The following SPOCK3 variants were observed in gnomAD, a reference collection of about 807,000 sequenced individuals.
SPOCK3 encodes SPARC (osteonectin), cwcv and kazal like domains proteoglycan 3.
SPOCK3 carries 30 observed loss-of-function variants against 56.6 expected under a neutral mutation model. The observed-to-expected ratio is 0.53, with a 90% CI of 0.40 to 0.72. The LOEUF (loss-of-function observed/expected upper bound fraction) is 0.72. Ranked by LOEUF, SPOCK3 falls within the 30% of genes least tolerant of loss-of-function variation. SPOCK3 has a pLI of 0.00. For missense variants in SPOCK3, 527 were observed against 530.0 expected (o/e 0.99, Z 0.06); for synonymous variants, 196 against 183.3 (o/e 1.07, Z -0.56).
chr4:166,880,748 C>A (rs1312507192), intron 6 of SPOCK3, among the ~76,000 whole-genome samples: 3 of 152,138 alleles, frequency 2.0e-5, no homozygotes, highest in Non-Finnish European at 4.4e-5. Context: ...CTAAACATTT[C>A]TTGAATCTAT....
intron 2 of SPOCK3, among the ~76,000 whole-genome samples, chr4:167,189,206 C>T (rs1732265434): frequency 6.9e-6 from 1 of 145,780 alleles, no homozygotes; most frequent in Admixed American, 7.0e-5. Context: ...TAGCAAATAA[C>T]ACCCAACAAT....
At chr4:166,947,329 C>A (rs1170491120) in intron 4 of SPOCK3, among the ~76,000 whole-genome samples, 1 of 152,086 alleles carries the variant, frequency 6.6e-6, no homozygotes, top group Non-Finnish European at 1.5e-5. Flanking sequence ...ATACTGCACA[C>A]AGATTTTCTA....
In SPOCK3 at chr4:166,735,300, A is replaced by C. The variant is rs552363322; in HGVS notation, c.1133-210T>G. Among the ~76,000 whole-genome samples the C allele has an allele frequency of 6.6e-5, 10 of 152,188 alleles. No homozygotes were observed. The East Asian group carries it at 1.2e-3, about 18-fold the overall frequency. The stretch of plus-strand genomic sequence containing the variant: ...TTAAAATGTATGTGCTAAAAGCAGA[A>C]TCATTATTGAGGTATGTTATGCAAG... On this transcript the variant is annotated intron_variant, in intron 10 of 10. Coordinates refer to ENST00000357545, the MANE Select transcript of SPOCK3 (RefSeq NM_001040159.2).
At chr4:166,778,851 G>A (rs566907908) in intron 7 of SPOCK3, among the ~76,000 whole-genome samples, 1 of 152,048 alleles carries the variant, frequency 6.6e-6, no homozygotes, top group South Asian at 2.1e-4. Context: ...TTAAGTTGGG[G>A]GTAGGCAGAG....
At chr4:166,946,741 T>C (rs568844092) in intron 4 of SPOCK3, among the ~76,000 whole-genome samples, 2 of 152,326 alleles carry the variant, frequency 1.3e-5, no homozygotes, top group South Asian at 2.1e-4. Context: ...GAATACTTGT[T>C]AGTGCTTTTA....
In SPOCK3 at chr4:166,907,904, C is replaced by T. The variant is rs918949878; in HGVS notation, c.474+4716G>A. Among the ~76,000 whole-genome samples, 5 of 152,004 alleles carry T rather than the reference C, an allele frequency of 3.3e-5. No homozygotes were observed. In the East Asian group the frequency reaches 7.8e-4, roughly 24 times the overall value. On this transcript the variant is annotated intron_variant, in intron 5 of 10. Transcript: ENST00000357545. The stretch of plus-strand genomic sequence containing the variant: ...TGGCATACCTCAGCCAAAAATCAAA[C>T]GCAACCTAAGTGGAAAAGCAAGTCA...
intron 2 of SPOCK3, among the ~76,000 whole-genome samples, chr4:167,139,546 T>C (rs925503254): frequency 6.6e-6 from 1 of 152,002 alleles, no homozygotes; most frequent in Non-Finnish European, 1.5e-5. Flanking sequence ...TAATAGTCAA[T>C]TTCTTGATAT....
chr4:166,869,893 CAG>C (rs1732278929), intron 6 of SPOCK3, among the ~76,000 whole-genome samples: 2 of 152,104 alleles, frequency 1.3e-5, no homozygotes, highest in African/African-American at 4.8e-5. Flanking sequence ...AACACTTAAA[CAG>C]TAATTTTTAT....
chr4:166,754,466 T>C (rs1357740389), intron 8 of SPOCK3, 42 bp downstream of exon 8: 1 of 1,573,984 alleles, frequency 6.4e-7, no homozygotes, highest in African/African-American at 1.4e-5. Context: ...AAATTTGACA[T>C]GCAGGTCAAC....
intron 6 of SPOCK3, among the ~76,000 whole-genome samples, chr4:166,861,334 C>CT (rs1053932177): frequency 7.9e-5 from 12 of 152,106 alleles, no homozygotes; most frequent in Non-Finnish European, 1.3e-4. Flanking sequence ...CTCTCTCTCT[C>CT]TTTTTTTCTC....
chr4:166,792,436 A>G, intron 6 of SPOCK3, 147 bp from the exon 7 acceptor site: 3 of 700,460 alleles, frequency 4.3e-6, no homozygotes, highest in Non-Finnish European at 7.0e-6. Context: ...AGTTAAATAT[A>G]TGCCTTAAAA....
chr4:166,953,431 A>G (rs904779730), intron 4 of SPOCK3, among the ~76,000 whole-genome samples: 2 of 151,148 alleles, frequency 1.3e-5, no homozygotes, highest in African/African-American at 4.9e-5. Context: ...AAAGTCAGGA[A>G]ACAACAGGTG....
intron 6 of SPOCK3, among the ~76,000 whole-genome samples, chr4:166,859,192 T>C (rs1428552730): frequency 6.6e-6 from 1 of 152,212 alleles, no homozygotes; most frequent in Non-Finnish European, 1.5e-5. Context: ...CTATGCCATC[T>C]AGGTTTATGT....
intron 4 of SPOCK3, among the ~76,000 whole-genome samples, chr4:166,942,041 A>T (rs1741128685): frequency 6.6e-6 from 1 of 152,216 alleles, no homozygotes; most frequent in Non-Finnish European, 1.5e-5. Context: ...AAATAAAAAA[A>T]ACTGTTATAA....
chr4:167,038,984 T>TA (rs1056764858), intron 3 of SPOCK3, among the ~76,000 whole-genome samples: 24 of 152,006 alleles, frequency 1.6e-4, no homozygotes, highest in Admixed American at 3.9e-4. Flanking sequence ...CTAGGTAGCT[T>TA]AAAAAAAACA....
chr4:166,946,647 C>G (rs1202366479), intron 4 of SPOCK3, among the ~76,000 whole-genome samples: 1 of 152,182 alleles, frequency 6.6e-6, no homozygotes, highest in African/African-American at 2.4e-5. Context: ...CCTGCCCTGT[C>G]TCTTTGGCAT....
chr4:166,991,646 A>G (rs951634827), intron 4 of SPOCK3, among the ~76,000 whole-genome samples: 5 of 152,160 alleles, frequency 3.3e-5, no homozygotes, highest in Admixed American at 2.6e-4. Context: ...CTGGGATTAC[A>G]GGCATGAGCC....
chr4:166,745,932 G>A (rs1735551121), intron 8 of SPOCK3, among the ~76,000 whole-genome samples: 1 of 152,172 alleles, frequency 6.6e-6, no homozygotes, highest in Non-Finnish European at 1.5e-5. Context: ...AACAAGAAGA[G>A]CTAACTATCC....
chr4:166,891,799 G>T (rs1408899319), intron 5 of SPOCK3, among the ~76,000 whole-genome samples: 1 of 151,852 alleles, frequency 6.6e-6, no homozygotes, highest in Non-Finnish European at 1.5e-5. Context: ...TCTGATTCAT[G>T]ACATAATTTA....
Sources: gnomAD v4.1 joint callset for allele counts (sites outside exome capture counted in the v4.1 genomes callset) on GRCh38, gnomAD v4.1.1 for gene constraint, MANE v1.5 for transcripts, NCBI Gene and HGNC (gene_info 2026-07-23, HGNC 2026-07-21) for gene names.